SHISA6: variants seen among roughly 807,000 people sequenced by gnomAD.
The protein encoded by SHISA6 is shisa family member 6.
Under a neutral mutation model 47.9 loss-of-function variants are expected in SHISA6, and 22 were observed. That is an observed-to-expected ratio of 0.46 (90% CI 0.33 to 0.66). SHISA6 has a LOEUF of 0.66. Ranked by LOEUF, SHISA6 falls within the 30% of genes least tolerant of loss-of-function variation. The pLI is 0.02. For missense variants in SHISA6, 680 were observed against 764.6 expected (o/e 0.89, Z 1.30); for synonymous variants, 388 against 337.8 (o/e 1.15, Z -1.63).
chr17:11,505,804 A>G (rs927882932), intron 3 of SHISA6, among the ~76,000 whole-genome samples: 36 of 152,252 alleles, frequency 2.4e-4, no homozygotes, highest in African/African-American at 8.0e-4. Flanking sequence ...GCTTTGTGCT[A>G]TGGGAAGCCA....
intron 3 of SHISA6, among the ~76,000 whole-genome samples, chr17:11,441,203 CT>C (rs1259880942): frequency 2.0e-5 from 3 of 152,188 alleles, no homozygotes; most frequent in Non-Finnish European, 2.9e-5. Flanking sequence ...AGTCCAAAGG[CT>C]GATTTCTCTG....
chr17:11,379,438 G>A lies in SHISA6; in HGVS notation c.824G>A (p.Arg275Gln), dbSNP rs777662185. Residue 275 changes from arginine to glutamine, a missense_variant, in exon 3 of 6, where the codon CGA (arginine) becomes CAA (glutamine). By Grantham distance (43) the Arg-to-Gln change is conservative. Transcript: ENST00000441885. Reference protein sequence around the residue: ...TPGHYGKDAYRSGGPDLHNFI... With the variant: ...TPGHYGKDAYQSGGPDLHNFI... Reference sequence around the variant, plus strand: ...GGGCATTATGGGAAGGATGCTTACCGAAGTGGAGGACCTGATCTCCATAAC... The same window carrying A: ...GGGCATTATGGGAAGGATGCTTACCAAAGTGGAGGACCTGATCTCCATAAC... 97 of 1,540,082 alleles carry A rather than the reference G, an allele frequency of 6.3e-5. No individual in the cohort carries two copies. The highest frequency in any genetic ancestry group is 7.8e-5 in the Non-Finnish European group (89 of 1,142,216).
At chr17:11,458,046 C>T (rs1288171188) in intron 3 of SHISA6, among the ~76,000 whole-genome samples, 7 of 145,714 alleles carry the variant, frequency 4.8e-5, no homozygotes, top group African/African-American at 7.7e-5. Context: ...GATCACGCCA[C>T]TGCACTCCAG....
At chr17:11,300,084 G>T (rs2142176462) in intron 2 of SHISA6, among the ~76,000 whole-genome samples, 1 of 149,696 alleles carries the variant, frequency 6.7e-6, no homozygotes, top group South Asian at 2.1e-4. Flanking sequence ...GGTGGAGGTT[G>T]CAGTGAGCTG....
intron 3 of SHISA6, among the ~76,000 whole-genome samples, chr17:11,428,720 A>G (rs775791157): frequency 1.3e-5 from 2 of 151,434 alleles, no homozygotes; most frequent in African/African-American, 4.9e-5. Flanking sequence ...CAGGGCTGCA[A>G]TCACACAGTT....
chr17:11,318,371 G>A (rs753959266), intron 2 of SHISA6, among the ~76,000 whole-genome samples: 1 of 152,038 alleles, frequency 6.6e-6, no homozygotes, highest in Non-Finnish European at 1.5e-5. Context: ...TGTGAGCTCC[G>A]ACCACACTAG....
chr17:11,558,416 A>G lies in SHISA6; in HGVS notation c.*112A>G. ...CTCTCCCTTCCCTTGTCCCCTCTGTAGGAAGTGGGGGTGGGCCACCTTTGC... is the reference window on the plus strand; with the variant it reads ...CTCTCCCTTCCCTTGTCCCCTCTGTGGGAAGTGGGGGTGGGCCACCTTTGC... On this transcript the variant is annotated 3_prime_UTR_variant, in exon 6 of 6. Transcript: ENST00000441885. 1 of 1,279,700 alleles carries G rather than the reference A, an allele frequency of 7.8e-7. No individual in the cohort carries two copies. The highest frequency in any genetic ancestry group is 2.5e-5 in the Admixed American group (1 of 39,988). The allele number at this position is 1,279,700 out of a possible 1,614,324, so 79.3% of individuals were successfully genotyped here. A position where few individuals can be genotyped will look rare whatever the true frequency, so the allele number is the denominator to read the frequency against.
At chr17:11,291,506 C>T (rs930776857) in intron 2 of SHISA6, among the ~76,000 whole-genome samples, 12 of 151,918 alleles carry the variant, frequency 7.9e-5, no homozygotes, top group African/African-American at 2.7e-4. Context: ...TGGTGGCGGG[C>T]GCCTGTAGTC....
At chr17:11,280,989 T>C (rs1389215917) in intron 2 of SHISA6, among the ~76,000 whole-genome samples, 4 of 152,240 alleles carry the variant, frequency 2.6e-5, no homozygotes, top group African/African-American at 9.6e-5. Context: ...TGGTGGTATA[T>C]AAAAATACAA....
intron 3 of SHISA6, among the ~76,000 whole-genome samples, chr17:11,513,776 G>A (rs1216237851): frequency 6.6e-6 from 1 of 152,138 alleles, no homozygotes; most frequent in African/African-American, 2.4e-5. Flanking sequence ...ATCTTTTAGT[G>A]CCCTGGAGCT....
chr17:11,276,048 G>C (rs1218749935), intron 2 of SHISA6, among the ~76,000 whole-genome samples: 1 of 151,780 alleles, frequency 6.6e-6, no homozygotes. Flanking sequence ...TGCAATCTCT[G>C]TTCACTGCAA....
intron 3 of SHISA6, among the ~76,000 whole-genome samples, chr17:11,390,936 G>A (rs1192659814): frequency 6.6e-6 from 1 of 152,226 alleles, no homozygotes; most frequent in Admixed American, 6.5e-5. Context: ...TAAATGGGAA[G>A]TGCCATGAAG....
intron 2 of SHISA6, among the ~76,000 whole-genome samples, chr17:11,349,894 C>T (rs1399934810): frequency 1.3e-5 from 2 of 152,074 alleles, no homozygotes; most frequent in Admixed American, 1.3e-4. Flanking sequence ...GGGTTAAGCC[C>T]CTGCACTGGG....
At chr17:11,365,543 G>A (rs1912422848) in intron 2 of SHISA6, among the ~76,000 whole-genome samples, 2 of 152,242 alleles carry the variant, frequency 1.3e-5, no homozygotes, top group South Asian at 4.1e-4. Flanking sequence ...CTCCCAAAAT[G>A]CTAGGATTAC....
At chr17:11,482,123 C>A (rs1168656751) in intron 3 of SHISA6, among the ~76,000 whole-genome samples, 1 of 151,866 alleles carries the variant, frequency 6.6e-6, no homozygotes, top group Admixed American at 6.6e-5. Flanking sequence ...AAAATAGGAT[C>A]CAGTAGAAGA....
chr17:11,487,741 T>C (rs1387029326), intron 3 of SHISA6, among the ~76,000 whole-genome samples: 7 of 152,190 alleles, frequency 4.6e-5, no homozygotes, highest in African/African-American at 7.2e-5. Context: ...TCTGTCAATC[T>C]CTTTTGAGTT....
chr17:11,353,998 G>T (rs1371566865), intron 2 of SHISA6, among the ~76,000 whole-genome samples: 1 of 152,102 alleles, frequency 6.6e-6, no homozygotes, highest in Non-Finnish European at 1.5e-5. Context: ...GGCATTTTAG[G>T]CTGGATAAAT....
chr17:11,404,865 G>C (rs1913897243), intron 3 of SHISA6, among the ~76,000 whole-genome samples: 2 of 152,124 alleles, frequency 1.3e-5, no homozygotes, highest in Admixed American at 1.3e-4. Context: ...AGGCAATGCA[G>C]CCCTCCAACA....
rs925730358 is a variant in SHISA6, at chr17:11,508,911, T to A, written c.896-42985T>A. On this transcript the variant is annotated intron_variant, in intron 3 of 5. Transcript: ENST00000441885. ...AGTTGTGATGGGGGCCACAAAGCAATAGGATACAAAAGAGGAACATGGCAC... is the reference window on the plus strand; with the variant it reads ...AGTTGTGATGGGGGCCACAAAGCAAAAGGATACAAAAGAGGAACATGGCAC... 2.5e-4 allele frequency among the ~76,000 whole-genome samples: 23 copies of A among 91,560 alleles called. 5 individuals carry two copies. Among genetic ancestry groups the A allele is most frequent in the African/African-American group, 9.7e-4 (23 of 23,720 alleles). 60.1% of individuals were successfully genotyped at this position (91,560 alleles called of 152,430 possible). A position where few individuals can be genotyped will look rare whatever the true frequency, so the allele number is the denominator to read the frequency against.
Sources: gnomAD v4.1 joint callset for allele counts (sites outside exome capture counted in the v4.1 genomes callset) on GRCh38, gnomAD v4.1.1 for gene constraint, MANE v1.5 for transcripts, NCBI Gene and HGNC (gene_info 2026-07-23, HGNC 2026-07-21) for gene names.